CFAP20DC: variants seen among roughly 807,000 people sequenced by gnomAD.
The protein encoded by CFAP20DC is protein CFAP20DC.
Under a neutral mutation model 101.7 loss-of-function variants are expected in CFAP20DC, and 84 were observed. That is an observed-to-expected ratio of 0.83 (90% CI 0.69 to 0.99). The LOEUF is 0.99. CFAP20DC is among the 50% of genes least tolerant of loss of function. CFAP20DC has a pLI of 0.00. For missense variants in CFAP20DC, 1,007 were observed against 970.3 expected (o/e 1.04, Z -0.50); for synonymous variants, 359 against 351.2 (o/e 1.02, Z -0.25).
chr3:58,796,571 A>G (rs1392866054), intron 15 of CFAP20DC, among the ~76,000 whole-genome samples: 2 of 152,170 alleles, frequency 1.3e-5, no homozygotes, highest in Non-Finnish European at 2.9e-5. Context: ...GGACCTCTCC[A>G]GGAACAGAAG....
chr3:58,789,885 C>T (rs77906248), intron 15 of CFAP20DC, among the ~76,000 whole-genome samples: 2 of 152,122 alleles, frequency 1.3e-5, no homozygotes, highest in East Asian at 1.9e-4. Flanking sequence ...TGTTACTGAG[C>T]TGCTATTCCA....
chr3:58,809,302 G>A (rs2074397789), intron 14 of CFAP20DC, among the ~76,000 whole-genome samples: 1 of 152,080 alleles, frequency 6.6e-6, no homozygotes, highest in Non-Finnish European at 1.5e-5. Context: ...ATACTGGGAA[G>A]TAAAGCTCTC....
chr3:59,013,956 T>C (rs1052749004), intron 4 of CFAP20DC, among the ~76,000 whole-genome samples: 1 of 152,196 alleles, frequency 6.6e-6, no homozygotes, highest in Non-Finnish European at 1.5e-5. Flanking sequence ...GCCAACAGGA[T>C]GAATTCAATG....
At chr3:58,885,825 T>A (rs7617484) in intron 6 of CFAP20DC, among the ~76,000 whole-genome samples, 15,152 of 152,040 alleles carry the variant, frequency 0.1, 2,498 homozygotes, top group African/African-American at 0.35. Context: ...TCCATGGTGT[T>A]TGTATACCAC....
intron 13 of CFAP20DC, among the ~76,000 whole-genome samples, chr3:58,834,385 C>T (rs946299604): frequency 7.9e-5 from 12 of 152,130 alleles, no homozygotes; most frequent in Admixed American, 6.6e-4. Flanking sequence ...TGCCAATACA[C>T]ACTTTTACAA....
At position 58,718,067 on chromosome 3, in the gene CFAP20DC, G is replaced by A. The variant is rs150632803; in HGVS notation, c.198-439C>T. Among the ~76,000 whole-genome samples the A allele has an allele frequency of 4.2e-3, 641 of 152,256 alleles. 4 individuals carry two copies. The highest frequency in any genetic ancestry group is 0.015 in the African/African-American group (616 of 41,538). ...TACTTTGATCCACTACTTATTGGAG[G>A]CCAATTTTGTGCCTGGCCTGGTTAG... On this transcript the variant is annotated intron_variant, in intron 3 of 3. Transcript: ENST00000486145.
At chr3:58,879,808 C>A (rs1333923367) in intron 7 of CFAP20DC, among the ~76,000 whole-genome samples, 2 of 152,072 alleles carry the variant, frequency 1.3e-5, no homozygotes, top group African/African-American at 4.8e-5. Flanking sequence ...TCTGAAAATT[C>A]ACAGTTCAAC....
At chr3:59,022,776 T>C (rs986986742) in intron 4 of CFAP20DC, among the ~76,000 whole-genome samples, 1 of 152,104 alleles carries the variant, frequency 6.6e-6, no homozygotes, top group Admixed American at 6.6e-5. Context: ...CAAGGGCAGA[T>C]GACTTGATTT....
intron 5 of CFAP20DC, among the ~76,000 whole-genome samples, chr3:58,928,511 A>C (rs2086228391): frequency 6.6e-6 from 1 of 152,320 alleles, no homozygotes; most frequent in South Asian, 2.1e-4. Flanking sequence ...AGATGAGGAA[A>C]ATGATACAGG....
chr3:58,903,187 T>G (rs888604025), intron 6 of CFAP20DC, among the ~76,000 whole-genome samples: 11 of 152,222 alleles, frequency 7.2e-5, no homozygotes, highest in Non-Finnish European at 1.6e-4. Context: ...TTTAAAAACT[T>G]TGTTGCTGTG....
At chr3:58,901,789 C>G (rs550958084) in intron 6 of CFAP20DC, among the ~76,000 whole-genome samples, 7 of 152,074 alleles carry the variant, frequency 4.6e-5, no homozygotes, top group Non-Finnish European at 1.0e-4. Flanking sequence ...GAAAATTGAC[C>G]ATTTCAAAGT....
intron 15 of CFAP20DC, among the ~76,000 whole-genome samples, chr3:58,772,608 C>T (rs957274076): frequency 6.6e-5 from 10 of 152,100 alleles, no homozygotes; most frequent in African/African-American, 2.4e-4. Flanking sequence ...TGCCCTACCT[C>T]ATAAATATAT....
At chr3:58,959,482 A>C (rs747229931) in intron 4 of CFAP20DC, among the ~76,000 whole-genome samples, 1 of 152,162 alleles carries the variant, frequency 6.6e-6, no homozygotes, top group Non-Finnish European at 1.5e-5. Flanking sequence ...TATATATGTG[A>C]CTATCCAAAG....
At chr3:58,771,848 C>A (rs2070878638) in intron 15 of CFAP20DC, among the ~76,000 whole-genome samples, 1 of 152,182 alleles carries the variant, frequency 6.6e-6, no homozygotes, top group South Asian at 2.1e-4. Flanking sequence ...TGTCACATCT[C>A]CACGACTTAT....
At position 58,779,372 on chromosome 3, in the gene CFAP20DC, T is replaced by C. The variant is rs374443811; in HGVS notation, c.2238-25509A>G. Among the ~76,000 whole-genome samples, 11 of 152,282 alleles carry C rather than the reference T, an allele frequency of 7.2e-5. No individual in the cohort carries two copies. In the East Asian group the frequency reaches 2.1e-3, roughly 29 times the overall value. On this transcript the variant is annotated intron_variant, in intron 15 of 16. Transcript: ENST00000482387. Reference sequence around the variant, plus strand: ...AGGTGGGCAGGAGTAACTATGCTTATATCAAATAGAATAGACTTTAAGCAA... The same window carrying C: ...AGGTGGGCAGGAGTAACTATGCTTACATCAAATAGAATAGACTTTAAGCAA...
chr3:59,049,052 G>T (rs1237206946), intron 1 of CFAP20DC, among the ~76,000 whole-genome samples: 1 of 152,174 alleles, frequency 6.6e-6, no homozygotes, highest in African/African-American at 2.4e-5. Context: ...CCAGATCTGG[G>T]ATGCGGGTCA....
chr3:58,987,090 A>G (rs1377439440), intron 4 of CFAP20DC, among the ~76,000 whole-genome samples: 1 of 152,158 alleles, frequency 6.6e-6, no homozygotes, highest in African/African-American at 2.4e-5. Flanking sequence ...AAACAGAGCT[A>G]AAAACTTAGT....
At chr3:58,719,169 G>A (rs2067435654) in intron 3 of CFAP20DC, among the ~76,000 whole-genome samples, 1 of 152,170 alleles carries the variant, frequency 6.6e-6, no homozygotes, top group Admixed American at 6.5e-5. Flanking sequence ...CTTAAGCTGG[G>A]GAGGTAGAGA....
intron 14 of CFAP20DC, among the ~76,000 whole-genome samples, chr3:58,830,176 G>A (rs2076302121): frequency 6.6e-6 from 1 of 152,106 alleles, no homozygotes; most frequent in Admixed American, 6.6e-5. Context: ...GAAACCTGAA[G>A]GTATGCAAGG....
Sources: allele counts gnomAD v4.1 joint callset (sites outside exome capture counted in the v4.1 genomes callset), GRCh38; gene constraint gnomAD v4.1.1; transcripts MANE v1.5; gene names NCBI Gene and HGNC (gene_info 2026-07-23, HGNC 2026-07-21).